SYNJ2: variants seen among roughly 807,000 people sequenced by gnomAD.
SYNJ2 encodes polyphosphatidylinositol phosphatase SYNJ2.
Under a neutral mutation model 141.3 loss-of-function variants are expected in SYNJ2, and 116 were observed. That is an observed-to-expected ratio of 0.82 (90% CI 0.71 to 0.96). SYNJ2 has a LOEUF of 0.96. SYNJ2 is among the 40% of genes least tolerant of loss of function. The pLI is 0.00. For synonymous variants in SYNJ2, 745 were observed against 777.7 expected (o/e 0.96, Z 0.70); for missense variants, 1,873 against 1,934.8 (o/e 0.97, Z 0.60).
intron 2 of SYNJ2, among the ~76,000 whole-genome samples, chr6:158,023,447 A>G (rs1778883041): frequency 6.6e-6 from 1 of 152,056 alleles, no homozygotes; most frequent in African/African-American, 2.4e-5. Flanking sequence ...CGCTCCACAC[A>G]GCGGTCCTGA....
chr6:158,024,653 CTT>C (rs1167179398), intron 2 of SYNJ2, among the ~76,000 whole-genome samples: 1 of 152,204 alleles, frequency 6.6e-6, no homozygotes, highest in African/African-American at 2.4e-5. Flanking sequence ...AGAACGCTCT[CTT>C]TTTAAACACT....
At chr6:158,044,793 G>C (rs902267628) in intron 5 of SYNJ2, among the ~76,000 whole-genome samples, 2 of 152,094 alleles carry the variant, frequency 1.3e-5, no homozygotes, top group African/African-American at 4.8e-5. Context: ...CAACTCGACT[G>C]TTCATCTACT....
chr6:157,999,613 C>T (rs1039045188), intron 1 of SYNJ2, among the ~76,000 whole-genome samples: 2 of 152,180 alleles, frequency 1.3e-5, no homozygotes, highest in Non-Finnish European at 2.9e-5. Context: ...TAGAGGCGGA[C>T]AACAGCCTGG....
chr6:158,032,199 G>A (rs1779405314), intron 3 of SYNJ2, among the ~76,000 whole-genome samples: 1 of 152,122 alleles, frequency 6.6e-6, no homozygotes, highest in African/African-American at 2.4e-5. Flanking sequence ...TCCCTGTGGG[G>A]GTGCATGTGG....
At chr6:157,992,348 C>A (rs1777472390) in intron 1 of SYNJ2, among the ~76,000 whole-genome samples, 1 of 151,796 alleles carries the variant, frequency 6.6e-6, no homozygotes. Context: ...ATTTTTAGAT[C>A]CCACAAATAA....
chr6:158,024,420 G>A (rs1362274632), intron 2 of SYNJ2, among the ~76,000 whole-genome samples: 1 of 152,168 alleles, frequency 6.6e-6, no homozygotes, highest in Non-Finnish European at 1.5e-5. Flanking sequence ...GGGCGACAGA[G>A]CAAGACTGTC....
At chr6:157,988,605 C>A (rs1777296422) in intron 1 of SYNJ2, among the ~76,000 whole-genome samples, 2 of 152,154 alleles carry the variant, frequency 1.3e-5, no homozygotes, top group African/African-American at 2.4e-5. Context: ...TGCTTTTTGG[C>A]TGCTCAGTTT....
At chr6:158,044,025 C>T (rs1294463889) in intron 5 of SYNJ2, among the ~76,000 whole-genome samples, 1 of 152,232 alleles carries the variant, frequency 6.6e-6, no homozygotes, top group Non-Finnish European at 1.5e-5. Flanking sequence ...ACCAGGGTCT[C>T]TAACAAGGTG....
At chr6:158,092,735 G>A (rs1357768289) in intron 25 of SYNJ2, among the ~76,000 whole-genome samples, 191 bp from the exon 26 acceptor site, 1 of 152,038 alleles carries the variant, frequency 6.6e-6, no homozygotes, top group Non-Finnish European at 1.5e-5. Context: ...GCTGCACTCC[G>A]GCCTGGGTGG....
At chr6:158,024,823 C>G (rs551554520) in intron 2 of SYNJ2, among the ~76,000 whole-genome samples, 1 of 152,256 alleles carries the variant, frequency 6.6e-6, no homozygotes, top group East Asian at 1.9e-4. Flanking sequence ...TCCTGCAATC[C>G]TGTAAATAAT....
At chr6:158,093,125 A>T in intron 26 of SYNJ2, 21 bp downstream of exon 26, 2 of 1,604,952 alleles carry the variant, frequency 1.2e-6, no homozygotes, top group South Asian at 2.2e-5. Context: ...GGTAACATAA[A>T]ACCTCTTACT....
intron 5 of SYNJ2, among the ~76,000 whole-genome samples, chr6:158,046,972 A>G (rs569768364): frequency 2.0e-5 from 3 of 152,084 alleles, no homozygotes; most frequent in Non-Finnish European, 4.4e-5. Context: ...CAACTGAACC[A>G]AACGGAGGAG....
In SYNJ2 at chr6:158,089,861, G is replaced by A. The variant is rs773609518; in HGVS notation, c.3479G>A (p.Ser1160Asn). ...AAGCCCAAGGCTCGGACTGGAATAAGTAAACCTTATAATGTCAAGCAGATC... is the reference window on the plus strand; with the variant it reads ...AAGCCCAAGGCTCGGACTGGAATAAATAAACCTTATAATGTCAAGCAGATC... ...QQPPKARTGI[S>N]KPYNVKQIKT... The change falls in exon 25 of 27, where the codon AGT (serine) becomes AAT (asparagine). Residue 1160 changes from serine to asparagine, a missense_variant. Coordinates refer to ENST00000355585, the MANE Select transcript of SYNJ2 (RefSeq NM_003898.4). 1.9e-6 allele frequency: 3 copies of A among 1,614,012 alleles called. No individual in the cohort carries two copies. The South Asian group carries it at 3.3e-5, about 18-fold the overall frequency.
chr6:158,069,431 A>T, intron 13 of SYNJ2, 102 bp from the exon 14 acceptor site: 1 of 1,397,748 alleles, frequency 7.2e-7, no homozygotes, highest in Non-Finnish European at 9.7e-7. Context: ...GCGTGAAATC[A>T]GTTCTGCAAA....
At chr6:158,051,523 G>T (rs1021944470) in intron 5 of SYNJ2, among the ~76,000 whole-genome samples, 7 of 152,176 alleles carry the variant, frequency 4.6e-5, no homozygotes, top group African/African-American at 1.7e-4. Flanking sequence ...AAACCCCACA[G>T]GTTTGGGGTG....
chr6:157,989,994 G>T (rs564499765), intron 1 of SYNJ2, among the ~76,000 whole-genome samples: 2 of 152,364 alleles, frequency 1.3e-5, no homozygotes, highest in African/African-American at 2.4e-5. Context: ...GCCTCGGAGC[G>T]TGAGTCTGGT....
At chr6:157,992,396 T>C (rs1351641663) in intron 1 of SYNJ2, among the ~76,000 whole-genome samples, 1 of 109,522 alleles carries the variant, frequency 9.1e-6, no homozygotes, top group African/African-American at 5.4e-5. Flanking sequence ...GTGCCTGGCT[T>C]GTTTCTTTTT....
At chr6:158,057,418 G>A (rs1780935223) in intron 6 of SYNJ2, among the ~76,000 whole-genome samples, 1 of 152,062 alleles carries the variant, frequency 6.6e-6, no homozygotes, top group Non-Finnish European at 1.5e-5. Context: ...TACAATAAAG[G>A]GAAAGAAAGA....
intron 15 of SYNJ2, among the ~76,000 whole-genome samples, chr6:158,073,283 C>A (rs929331120): frequency 2.0e-5 from 3 of 151,998 alleles, no homozygotes; most frequent in Non-Finnish European, 4.4e-5. Context: ...CTGCAAACTC[C>A]ACCTCCCAGG....
Sources: gnomAD v4.1 joint callset for allele counts (sites outside exome capture counted in the v4.1 genomes callset) on GRCh38, gnomAD v4.1.1 for gene constraint, MANE v1.5 for transcripts, NCBI Gene and HGNC (gene_info 2026-07-23, HGNC 2026-07-21) for gene names.